Variants in VPS13B observed in about 807,000 individuals in gnomAD.
VPS13B encodes intermembrane lipid transfer protein VPS13B.
VPS13B carries 285 observed loss-of-function variants against 426.4 expected under a neutral mutation model. That is an observed-to-expected ratio of 0.67 (90% confidence interval 0.61 to 0.74). The LOEUF is 0.74. Among genes scored for constraint, VPS13B ranks in the 30% least tolerant of loss-of-function variants. The pLI is 0.00. For missense variants in VPS13B, 4,537 were observed against 4,782.6 expected, an observed-to-expected ratio of 0.95 and a Z score of 1.51; for synonymous variants, 1,676 against 1,676.4, an observed-to-expected ratio of 1.00 and a Z score of 0.01.
intron 21 of VPS13B, among the ~76,000 whole-genome samples, chr8:99,412,685 C>T (rs1815750478): frequency 6.6e-6 from 1 of 152,092 alleles, no homozygotes; most frequent in African/African-American, 2.4e-5. Flanking sequence ...TTTGCCCTTC[C>T]AGTATGATAT....
intron 19 of VPS13B, among the ~76,000 whole-genome samples, chr8:99,344,732 G>GT (rs971965283): frequency 3.0e-4 from 45 of 151,140 alleles, no homozygotes; most frequent in African/African-American, 1.0e-3. Context: ...TTTCCAGTTA[G>GT]TTTTTTTCTT....
intron 19 of VPS13B, among the ~76,000 whole-genome samples, chr8:99,376,328 A>G (rs1334459672): frequency 3.3e-5 from 5 of 152,178 alleles, no homozygotes; most frequent in Admixed American, 1.3e-4. Context: ...ATATGATGAA[A>G]ATCTCTCTCT....
At chr8:99,118,417 A>G (rs1379261170) in intron 7 of VPS13B, among the ~76,000 whole-genome samples, 1 of 152,098 alleles carries the variant, frequency 6.6e-6, no homozygotes, top group Non-Finnish European at 1.5e-5. Context: ...TTTGGAGGTT[A>G]AATCTCCAAA....
chr8:99,668,321 A>G (rs1318025399), intron 35 of VPS13B, among the ~76,000 whole-genome samples: 1 of 150,252 alleles, frequency 6.7e-6, no homozygotes, highest in African/African-American at 2.5e-5. Context: ...ATGCTACTGC[A>G]CTCCAGTTTG....
At chr8:99,618,968 G>C (rs1293903574) in intron 33 of VPS13B, among the ~76,000 whole-genome samples, 1 of 152,060 alleles carries the variant, frequency 6.6e-6, no homozygotes, top group African/African-American at 2.4e-5. Flanking sequence ...CTGCTCTGCT[G>C]TCCTTGATAT....
intron 19 of VPS13B, among the ~76,000 whole-genome samples, chr8:99,383,440 C>T (rs777829609): frequency 6.6e-6 from 1 of 151,940 alleles, no homozygotes; most frequent in Non-Finnish European, 1.5e-5. Context: ...AAAAGTTGAG[C>T]TTATTATTAT....
chr8:99,759,352 C>T (rs1810806210), intron 39 of VPS13B, among the ~76,000 whole-genome samples: 1 of 152,178 alleles, frequency 6.6e-6, no homozygotes, highest in Non-Finnish European at 1.5e-5. Context: ...TACAGTTATT[C>T]ATTAAACTAT....
intron 20 of VPS13B, among the ~76,000 whole-genome samples, chr8:99,390,641 C>G (rs1188700125): frequency 6.6e-6 from 1 of 152,148 alleles, no homozygotes; most frequent in African/African-American, 2.4e-5. Context: ...ACACTGCAGC[C>G]TGACCAACCG....
rs1460610209 is a variant in VPS13B at position 99,221,662 on chromosome 8, AT to A, written c.2515+28613del. Reference sequence around the variant, plus strand: ...CTCAGAGTTTTAAAACTTCTTTGAAATTTTTTTTGGTGGCCAATTTTGCAGA... The same window carrying A: ...CTCAGAGTTTTAAAACTTCTTTGAAATTTTTTTGGTGGCCAATTTTGCAGA... On this transcript the variant is annotated intron_variant, in intron 17 of 61. Transcript: ENST00000357162. 7.9e-5 allele frequency among the ~76,000 whole-genome samples: 12 copies of A among 152,054 alleles called. No homozygotes were observed. The East Asian group carries it at 2.1e-3, about 27-fold the overall frequency.
intron 19 of VPS13B, among the ~76,000 whole-genome samples, chr8:99,369,897 A>G (rs1311977633): frequency 6.6e-6 from 1 of 152,206 alleles, no homozygotes; most frequent in Non-Finnish European, 1.5e-5. Context: ...GGAATAGCAT[A>G]CATAAAATAG....
intron 4 of VPS13B, among the ~76,000 whole-genome samples, chr8:99,102,231 A>G (rs778798832): frequency 6.6e-6 from 1 of 151,784 alleles, no homozygotes; most frequent in Non-Finnish European, 1.5e-5. Context: ...TCTTTTTCCT[A>G]TTTCCCTGTG....
intron 33 of VPS13B, among the ~76,000 whole-genome samples, chr8:99,586,951 A>G (rs1042609257): frequency 2.6e-5 from 4 of 152,022 alleles, no homozygotes; most frequent in African/African-American, 7.2e-5. Context: ...TACGTTAGGT[A>G]TTACTCCTAA....
chr8:99,206,233 G>A (rs1030625080), intron 17 of VPS13B, among the ~76,000 whole-genome samples: 1 of 152,080 alleles, frequency 6.6e-6, no homozygotes, highest in Non-Finnish European at 1.5e-5. Flanking sequence ...GGTATTTGCA[G>A]GGAAATAACT....
chr8:99,442,446 C>G lies in VPS13B; in HGVS notation c.3256C>G (p.Pro1086Ala). Residue 1086 changes from proline to alanine, a missense_variant, in exon 23 of 62, where the codon CCT becomes GCT. Pro to Ala is a conservative substitution (Grantham distance 27, BLOSUM62 -1). Around this residue, in one of 2 missense-constraint regions of VPS13B, gnomAD observed 4,311 missense variants for 4,474.3 expected, o/e 0.96. Transcript: ENST00000357162. ...CCVFIPNDSL[P>A]SPSTIVSGDI... is the part of the protein sequence containing the mutation. The stretch of plus-strand genomic sequence containing the variant: ...TGTGTTTATTCCAAATGATAGCCTG[C>G]CTTCCCCAAGTACAATTGTATCTGG... 6.2e-7 allele frequency: 1 copy of G among 1,613,952 alleles called. No individual in the cohort carries two copies. The highest frequency in any genetic ancestry group is 8.5e-7 in the Non-Finnish European group (1 of 1,179,894).
chr8:99,507,638 T>G, intron 28 of VPS13B: 1 of 1,365,874 alleles, frequency 7.3e-7, no homozygotes, highest in South Asian at 1.3e-5. Context: ...GCAGAGGCCA[T>G]ACCTAGCGGT....
intron 54 of VPS13B, among the ~76,000 whole-genome samples, chr8:99,847,351 T>G (rs1465634737): frequency 6.6e-6 from 1 of 152,218 alleles, no homozygotes; most frequent in African/African-American, 2.4e-5. Context: ...ATAATATTTT[T>G]GATCAAATAG....
chr8:99,368,197 GT>G (rs1037262003), intron 19 of VPS13B, among the ~76,000 whole-genome samples: 1 of 152,190 alleles, frequency 6.6e-6, no homozygotes, highest in Non-Finnish European at 1.5e-5. Flanking sequence ...GATAGCCTTA[GT>G]TTTTGTATCC....
chr8:99,241,143 G>T (rs541317776), intron 17 of VPS13B: 1 of 152,326 alleles, frequency 6.6e-6, no homozygotes, highest in East Asian at 1.9e-4. Context: ...ACCAAATAAA[G>T]TCTAATCTTT....
intron 39 of VPS13B, among the ~76,000 whole-genome samples, chr8:99,742,611 A>T (rs1056983325): frequency 3.3e-5 from 5 of 152,180 alleles, no homozygotes; most frequent in African/African-American, 1.2e-4. Flanking sequence ...GCAGCACATC[A>T]AAAAGCTTAT....
Sources: gnomAD v4.1 joint callset for allele counts (sites outside exome capture counted in the v4.1 genomes callset) on GRCh38, gnomAD v4.1.1 for gene constraint, gnomAD v4.1.1 regional missense constraint, MANE v1.5 for transcripts, NCBI Gene and HGNC (gene_info 2026-07-23, HGNC 2026-07-21) for gene names.